The following NANOS1 variants were observed in gnomAD, a reference collection of about 807,000 sequenced individuals.
NANOS1 encodes the protein nanos C2HC-type zinc finger 1.
Under a neutral mutation model 1.1 loss-of-function variants are expected in NANOS1, and 1 was observed. That is an observed-to-expected ratio of 0.88 (90% CI 0.31 to 4.20). NANOS1 has a LOEUF of 4.20. Ranked by LOEUF, NANOS1 falls within the 30% of genes most tolerant of loss-of-function variation. The pLI is 0.17. For synonymous variants in NANOS1, 252 were observed against 230.6 expected (o/e 1.09, Z -0.84); for missense variants, 537 against 457.9 (o/e 1.17, Z -1.58).
In NANOS1 at chr10:119,030,830, C is replaced by A; in HGVS notation, c.*150C>A. 1.9e-6 allele frequency: 2 copies of A among 1,078,482 alleles called. No homozygotes were observed. The highest frequency in any genetic ancestry group is 2.4e-6 in the Non-Finnish European group (2 of 841,302). The allele number at this position is 1,078,482 out of a possible 1,614,324, so 66.8% of individuals were successfully genotyped here. A position where few individuals can be genotyped will look rare whatever the true frequency, so the allele number is the denominator to read the frequency against. On this transcript the variant is annotated 3_prime_UTR_variant, in exon 1 of 1. Coordinates refer to ENST00000425699, the MANE Select transcript of NANOS1 (RefSeq NM_199461.4). The surrounding 1 kb of genome is among the most constrained non-coding windows in gnomAD (Gnocchi z 5.3). ...TGGTGGTTTTTGAAAAGCAGCCGAC[C>A]GTGTGGAGTACTTCCGTGCTGAACG...
chr10:119,030,771 G>A lies in NANOS1; in HGVS notation c.*91G>A, dbSNP rs999576412. The A allele has an allele frequency of 1.9e-5, 24 of 1,237,588 alleles. No individual in the cohort carries two copies. The highest frequency in any genetic ancestry group is 2.4e-5 in the Non-Finnish European group (24 of 984,590). The allele number at this position is 1,237,588 out of a possible 1,614,324, so 76.7% of individuals were successfully genotyped here. A position where few individuals can be genotyped will look rare whatever the true frequency, so the allele number is the denominator to read the frequency against. ...TCGCCCCCGCCGTGGGGAGGCGTGC[G>A]GCTCAGCGGTCGGCTCGACATGGGA... On this transcript the variant is annotated 3_prime_UTR_variant, in exon 1 of 1. Transcript: ENST00000425699. The surrounding 1 kb of genome is among the most constrained non-coding windows in gnomAD (Gnocchi z 5.3).
At position 119,033,543 on chromosome 10, in the gene NANOS1, T is replaced by C. The variant is rs1459560167; in HGVS notation, c.*2863T>C. 6.0e-6 allele frequency: 1 copy of C among 167,106 alleles called. No individual in the cohort carries two copies. The highest frequency in any genetic ancestry group is 1.5e-5 in the Non-Finnish European group (1 of 68,122). 10.4% of individuals were successfully genotyped at this position (167,106 alleles called of 1,614,324 possible). ...GCTTCTCCAACTGTAGAGGTACAGA[T>C]TGTCTTAACCTGTTCTTTTCTGTAC... On this transcript the variant is annotated 3_prime_UTR_variant, in exon 1 of 1. Transcript: ENST00000425699.
rs1288675858 is a variant in NANOS1 at position 119,030,082 on chromosome 10, G to C, written c.281G>C (p.Gly94Ala). 34 of 1,316,024 alleles carry C rather than the reference G, an allele frequency of 2.6e-5. No homozygotes were observed. Among genetic ancestry groups the C allele is most frequent in the Non-Finnish European group, 3.0e-5 (31 of 1,037,480 alleles). The allele number at this position is 1,316,024 out of a possible 1,614,324, so 81.5% of individuals were successfully genotyped here. A position where few individuals can be genotyped will look rare whatever the true frequency, so the allele number is the denominator to read the frequency against. ...TCCCCCCACACGGGGGCCGGGCCTG[G>C]GGCGCTGGGGCCGGCGCTGGGGCCG... The part of the protein sequence containing the change: ...CCSPHTGAGP[G>A]ALGPALGPPD... The change falls in exon 1 of 1, where the codon GGG becomes GCG. Residue 94 changes from glycine to alanine, a missense_variant. Physicochemically the swap from Gly to Ala is moderately conservative, Grantham distance 60. Coordinates refer to ENST00000425699, the MANE Select transcript of NANOS1 (RefSeq NM_199461.4). The surrounding 1 kb of genome is among the most constrained non-coding windows in gnomAD (Gnocchi z 5.3).
In NANOS1 at chr10:119,033,534, A is replaced by C. The variant is rs1848083668; in HGVS notation, c.*2854A>C. ...GTCAAAAGGGCTTCTCCAACTGTAG[A>C]GGTACAGATTGTCTTAACCTGTTCT... is the stretch of plus-strand genomic sequence containing the variant. On this transcript the variant is annotated 3_prime_UTR_variant, in exon 1 of 1. Coordinates refer to ENST00000425699, the MANE Select transcript of NANOS1 (RefSeq NM_199461.4). The C allele has an allele frequency of 6.0e-6, 1 of 167,116 alleles. No individual in the cohort carries two copies. The highest frequency in any genetic ancestry group is 6.5e-5 in the Admixed American group (1 of 15,286). 10.4% of individuals were successfully genotyped at this position (167,116 alleles called of 1,614,324 possible).
Position 119,030,541 on chromosome 10 carries a change from A to G in NANOS1, c.740A>G (p.Tyr247Cys), listed in dbSNP as rs781130552. The G allele has an allele frequency of 6.5e-7, 1 of 1,527,954 alleles. No individual in the cohort carries two copies. The highest frequency in any genetic ancestry group is 8.8e-7 in the Non-Finnish European group (1 of 1,142,214). 94.6% of individuals were successfully genotyped at this position (1,527,954 alleles called of 1,614,324 possible). A position where few individuals can be genotyped will look rare whatever the true frequency, so the allele number is the denominator to read the frequency against. ...GRVLCPVLRR[Y>C]TCPLCGASGD... ...GTGCTGTGTCCCGTGCTGCGCCGCT[A>G]CACGTGTCCCCTGTGCGGCGCCAGC... Residue 247 changes from tyrosine to cysteine, a missense_variant, in exon 1 of 1, where the codon TAC becomes TGC. Transcript: ENST00000425699. The surrounding 1 kb of genome is among the most constrained non-coding windows in gnomAD (Gnocchi z 5.3).
rs1848068329 is a variant in NANOS1 at position 119,032,666 on chromosome 10, TTCAGAG to T, written c.*1990_*1995del. ...AAGATCAATTTAGCTACTTTGTATT[TTCAGAG>T]TCAAATTACAGACGGTTTCCAAAGG... is the stretch of plus-strand genomic sequence containing the variant. On this transcript the variant is annotated 3_prime_UTR_variant, in exon 1 of 1. Transcript: ENST00000425699. 1 of 167,148 alleles carries T rather than the reference TTCAGAG, an allele frequency of 6.0e-6. No individual in the cohort carries two copies. Among genetic ancestry groups the T allele is most frequent in the Non-Finnish European group, 1.5e-5 (1 of 68,144 alleles). 10.4% of individuals were successfully genotyped at this position (167,148 alleles called of 1,614,324 possible).
In NANOS1 at chr10:119,029,808, G is replaced by C; in HGVS notation, c.7G>C (p.Ala3Pro). 8.9e-7 allele frequency: 1 copy of C among 1,119,486 alleles called. No homozygotes were observed. The highest frequency in any genetic ancestry group is 1.1e-6 in the Non-Finnish European group (1 of 919,992). 69.3% of individuals were successfully genotyped at this position (1,119,486 alleles called of 1,614,324 possible). A position where few individuals can be genotyped will look rare whatever the true frequency, so the allele number is the denominator to read the frequency against. The change falls in exon 1 of 1, where the codon GCT (alanine) becomes CCT (proline). Residue 3 changes from alanine to proline, a missense_variant. Ala to Pro is a conservative substitution (Grantham distance 27). Coordinates refer to ENST00000425699, the MANE Select transcript of NANOS1 (RefSeq NM_199461.4). MEAFPWAPRSPRR... is the reference protein window; with the variant it reads MEPFPWAPRSPRR... ...CGCGGCCCGCAGCCCGCCCATGGAG[G>C]CTTTCCCCTGGGCGCCCCGCTCGCC...
chr10:119,030,663 G>T lies in NANOS1; in HGVS notation c.862G>T (p.Gly288Cys). Residue 288 changes from glycine (G) to cysteine (C), a missense_variant, in exon 1 of 1, where the codon GGC becomes TGC. Gly to Cys is a radical substitution (Grantham distance 159). Coordinates refer to ENST00000425699, the MANE Select transcript of NANOS1 (RefSeq NM_199461.4). This position sits in a 1 kb window ranked among gnomAD's most constrained non-coding sequence, Gnocchi z 5.3. Reference sequence around the variant, plus strand: ...CCGCAGCGCCAGGGACGGCCCGCCTGGCAAGAAGCTGCGCTGAAGGCCCGG... The same window carrying T: ...CCGCAGCGCCAGGGACGGCCCGCCTTGCAAGAAGCTGCGCTGAAGGCCCGG... ...PPRSARDGPP[G>C]KKLR 7.3e-7 allele frequency: 1 copy of T among 1,372,504 alleles called. No homozygotes were observed. The allele number at this position is 1,372,504 out of a possible 1,614,324, so 85.0% of individuals were successfully genotyped here.
rs1564744852 is a variant in NANOS1 at position 119,030,455 on chromosome 10, G to A, written c.654G>A (p.Arg218=). The A allele has an allele frequency of 2.0e-6, 3 of 1,487,640 alleles. No individual in the cohort carries two copies. 92.2% of individuals were successfully genotyped at this position (1,487,640 alleles called of 1,614,324 possible). The change falls in exon 1 of 1, where the codon CGG becomes CGA. Residue 218 remains arginine, a synonymous_variant. Coordinates refer to ENST00000425699, the MANE Select transcript of NANOS1 (RefSeq NM_199461.4). The surrounding 1 kb of genome is among the most constrained non-coding windows in gnomAD (Gnocchi z 5.3). ...KPELQVCVFC[R]NNKEAMALYT... is the part of the protein sequence containing the mutation. ...AGCTGCAGGTGTGCGTGTTCTGCCG[G>A]AACAACAAGGAGGCGATGGCGCTCT...
rs1221673184 is a variant in NANOS1, at chr10:119,030,531, C to T, written c.730C>T (p.Leu244=). ...CGACGGGCGAGTGCTGTGTCCCGTGCTGCGCCGCTACACGTGTCCCCTGTG... is the reference window on the plus strand; with the variant it reads ...CGACGGGCGAGTGCTGTGTCCCGTGTTGCGCCGCTACACGTGTCCCCTGTG... ...GPDGRVLCPV[L]RRYTCPLCGA... The change falls in exon 1 of 1, where the codon CTG becomes TTG. Residue 244 remains leucine, a synonymous_variant. Coordinates refer to ENST00000425699, the MANE Select transcript of NANOS1 (RefSeq NM_199461.4). The surrounding 1 kb of genome is among the most constrained non-coding windows in gnomAD (Gnocchi z 5.3). The T allele has an allele frequency of 6.6e-7, 1 of 1,524,684 alleles. No homozygotes were observed. Among genetic ancestry groups the T allele is most frequent in the South Asian group, 1.2e-5 (1 of 82,264 alleles). The allele number at this position is 1,524,684 out of a possible 1,614,324, so 94.4% of individuals were successfully genotyped here.
Position 119,030,764 on chromosome 10 carries a change from G to T in NANOS1, c.*84G>T, listed in dbSNP as rs1021693428. On this transcript the variant is annotated 3_prime_UTR_variant, in exon 1 of 1. Coordinates refer to ENST00000425699, the MANE Select transcript of NANOS1 (RefSeq NM_199461.4). This position sits in a 1 kb window ranked among gnomAD's most constrained non-coding sequence, Gnocchi z 5.3. ...CACCATCTCGCCCCCGCCGTGGGGA[G>T]GCGTGCGGCTCAGCGGTCGGCTCGA... 1 of 1,241,050 alleles carries T rather than the reference G, an allele frequency of 8.1e-7. No homozygotes were observed. Among genetic ancestry groups the T allele is most frequent in the Non-Finnish European group, 1.0e-6 (1 of 986,952 alleles). 76.9% of individuals were successfully genotyped at this position (1,241,050 alleles called of 1,614,324 possible).
In NANOS1 at chr10:119,030,223, C is replaced by T. The variant is rs1342270106; in HGVS notation, c.422C>T (p.Ala141Val). ...GAGCTGTGCGCGGGCCCCGCCGAGG[C>T]CGGGCTGCTGGAGGAGCGCTTCGCC... ...ALELCAGPAE[A>V]GLLEERFAEL... The change falls in exon 1 of 1, where the codon GCC becomes GTC. Residue 141 changes from alanine to valine, a missense_variant. Coordinates refer to ENST00000425699, the MANE Select transcript of NANOS1 (RefSeq NM_199461.4). The surrounding 1 kb of genome is among the most constrained non-coding windows in gnomAD (Gnocchi z 5.3). 2 of 1,285,708 alleles carry T rather than the reference C, an allele frequency of 1.6e-6. No individual in the cohort carries two copies. Among genetic ancestry groups the T allele is most frequent in the Non-Finnish European group, 2.0e-6 (2 of 1,020,304 alleles). 79.6% of individuals were successfully genotyped at this position (1,285,708 alleles called of 1,614,324 possible). A position where few individuals can be genotyped will look rare whatever the true frequency, so the allele number is the denominator to read the frequency against.
rs1650850781 is a variant in NANOS1 at position 119,031,288 on chromosome 10, T to C, written c.*608T>C. The stretch of plus-strand genomic sequence containing the variant: ...TTTCCAGTATTAATTTGGGCGGGTA[T>C]TCCCCGCTTGTGGCTTGTTTCTGTC... On this transcript the variant is annotated 3_prime_UTR_variant, in exon 1 of 1. Transcript: ENST00000425699. 1 of 167,128 alleles carries C rather than the reference T, an allele frequency of 6.0e-6. No individual in the cohort carries two copies. Among genetic ancestry groups the C allele is most frequent in the African/African-American group, 2.4e-5 (1 of 41,468 alleles). 10.4% of individuals were successfully genotyped at this position (167,128 alleles called of 1,614,324 possible).
chr10:119,030,909 C>A lies in NANOS1; in HGVS notation c.*229C>A. 2 of 556,020 alleles carry A rather than the reference C, an allele frequency of 3.6e-6. No homozygotes were observed. The highest frequency in any genetic ancestry group is 2.0e-5 in the African/African-American group (1 of 50,462). The allele number at this position is 556,020 out of a possible 1,614,324, so 34.4% of individuals were successfully genotyped here. ...TGTCTTCAGTTTCTAGTTTGCACAT[C>A]CAGAACGGCGAAGGCTGGGTGTGTA... On this transcript the variant is annotated 3_prime_UTR_variant, in exon 1 of 1. Transcript: ENST00000425699. The surrounding 1 kb of genome is among the most constrained non-coding windows in gnomAD (Gnocchi z 5.3).
Position 119,030,550 on chromosome 10 carries a change from C to G in NANOS1, c.749C>G (p.Pro250Arg). ...LCPVLRRYTC[P>R]LCGASGDNAH... ...CCCGTGCTGCGCCGCTACACGTGTC[C>G]CCTGTGCGGCGCCAGCGGCGACAAC... The change falls in exon 1 of 1, where the codon CCC becomes CGC. Residue 250 changes from proline (P) to arginine (R), a missense_variant. Physicochemically the swap from Pro to Arg is moderately radical, Grantham distance 103. Coordinates refer to ENST00000425699, the MANE Select transcript of NANOS1 (RefSeq NM_199461.4). This position sits in a 1 kb window ranked among gnomAD's most constrained non-coding sequence, Gnocchi z 5.3. The G allele has an allele frequency of 7.2e-6, 11 of 1,530,132 alleles. No homozygotes were observed. Among genetic ancestry groups the G allele is most frequent in the Non-Finnish European group, 9.6e-6 (11 of 1,143,498 alleles). The allele number at this position is 1,530,132 out of a possible 1,614,324, so 94.8% of individuals were successfully genotyped here.
At position 119,029,836 on chromosome 10, in the gene NANOS1, G is replaced by A; in HGVS notation, c.35G>A (p.Arg12His). 1 of 1,194,236 alleles carries A rather than the reference G, an allele frequency of 8.4e-7. No homozygotes were observed. 74.0% of individuals were successfully genotyped at this position (1,194,236 alleles called of 1,614,324 possible). The stretch of plus-strand genomic sequence containing the variant: ...TTCCCCTGGGCGCCCCGCTCGCCCC[G>A]CCGCGGCCGCGCCCCCCCGCCCATG... ...EAFPWAPRSP[R>H]RGRAPPPMAL... is the part of the protein sequence containing the mutation. Residue 12 changes from arginine (R) to histidine (H), a missense_variant, in exon 1 of 1, where the codon CGC (arginine) becomes CAC (histidine). By Grantham distance (29) the Arg-to-His change is conservative. Coordinates refer to ENST00000425699, the MANE Select transcript of NANOS1 (RefSeq NM_199461.4).
In NANOS1 at chr10:119,030,063, C is replaced by CACACGGGGGCCGGGCCTGGG. The variant is rs1307551088; in HGVS notation, c.263_282dup (p.Ala95ThrfsTer64). On this transcript the variant is annotated frameshift_variant, in exon 1 of 1. Coordinates refer to ENST00000425699, the MANE Select transcript of NANOS1 (RefSeq NM_199461.4). LOFTEE classifies it low-confidence loss of function (END_TRUNC). The surrounding 1 kb of genome is among the most constrained non-coding windows in gnomAD (Gnocchi z 5.3). ...CTCCTCGTCGTCCTGCTGCTCCCCC[C>CACACGGGGGCCGGGCCTGGG]ACACGGGGGCCGGGCCTGGGGCGCT... The CACACGGGGGCCGGGCCTGGG allele has an allele frequency of 7.5e-7, 1 of 1,330,170 alleles. No homozygotes were observed. The highest frequency in any genetic ancestry group is 1.5e-5 in the African/African-American group (1 of 65,116). 82.4% of individuals were successfully genotyped at this position (1,330,170 alleles called of 1,614,324 possible). A position where few individuals can be genotyped will look rare whatever the true frequency, so the allele number is the denominator to read the frequency against.
At position 119,029,951 on chromosome 10, in the gene NANOS1, C is replaced by G; in HGVS notation, c.150C>G (p.Ala50=). The part of the protein sequence containing the change: ...FSSWNDYLGL[A]TLITKAVDGE... The stretch of plus-strand genomic sequence containing the variant: ...CCTGGAACGACTACCTGGGGCTCGC[C>G]ACGCTCATCACCAAAGCGGTGGACG... Residue 50 remains alanine, a synonymous_variant, in exon 1 of 1, where the codon GCC becomes GCG. Coordinates refer to ENST00000425699, the MANE Select transcript of NANOS1 (RefSeq NM_199461.4). The G allele has an allele frequency of 1.4e-6, 2 of 1,436,074 alleles. No homozygotes were observed. The highest frequency in any genetic ancestry group is 3.1e-5 in the East Asian group (1 of 32,486). 89.0% of individuals were successfully genotyped at this position (1,436,074 alleles called of 1,614,324 possible).
At position 119,032,322 on chromosome 10, in the gene NANOS1, G is replaced by A. The variant is rs1848063490; in HGVS notation, c.*1642G>A. On this transcript the variant is annotated 3_prime_UTR_variant, in exon 1 of 1. Coordinates refer to ENST00000425699, the MANE Select transcript of NANOS1 (RefSeq NM_199461.4). ...GAAAAGGTGCATTTCAAGAACTTGG[G>A]GGGCAGGAGGAAAGCACAATGTTTC... is the stretch of plus-strand genomic sequence containing the variant. 6.0e-6 allele frequency: 1 copy of A among 166,912 alleles called. No homozygotes were observed. Among genetic ancestry groups the A allele is most frequent in the Admixed American group, 6.5e-5 (1 of 15,294 alleles). The allele number at this position is 166,912 out of a possible 1,614,324, so 10.3% of individuals were successfully genotyped here. A position where few individuals can be genotyped will look rare whatever the true frequency, so the allele number is the denominator to read the frequency against.
Sources: gnomAD v4.1 joint callset for allele counts on GRCh38, gnomAD v4.1.1 for gene constraint, Gnocchi (gnomAD v3.1) non-coding constraint, MANE v1.5 for transcripts, NCBI Gene and HGNC (gene_info 2026-07-23, HGNC 2026-07-21) for gene names.